RBFOX1: variants seen among roughly 807,000 people sequenced by gnomAD.
RBFOX1 encodes RNA binding protein fox-1 homolog 1.
Under a neutral mutation model 57.7 loss-of-function variants are expected in RBFOX1, and 8 were observed. That is an observed-to-expected ratio of 0.14 (90% CI 0.08 to 0.25). RBFOX1 has a LOEUF of 0.25. RBFOX1 is among the 10% of genes least tolerant of loss of function. RBFOX1 has a pLI of 1.00. For synonymous variants in RBFOX1, 326 were observed against 222.4 expected (o/e 1.47, Z -4.15); for missense variants, 611 against 548.5 (o/e 1.11, Z -1.14).
chr16:6,629,326 A>T (rs1465890788), intron 2 of RBFOX1, among the ~76,000 whole-genome samples: 1 of 152,228 alleles, frequency 6.6e-6, no homozygotes, highest in Non-Finnish European at 1.5e-5. Flanking sequence ...GTAACGTCCA[A>T]GATAAATGGA....
intron 1 of RBFOX1, among the ~76,000 whole-genome samples, chr16:6,161,262 G>A (rs1284673318): frequency 2.0e-5 from 3 of 152,092 alleles, no homozygotes; most frequent in African/African-American, 4.8e-5. Flanking sequence ...GGTGGTGCAC[G>A]CCTGTAATCC....
At chr16:7,404,319 C>T (rs1290895974) in intron 4 of RBFOX1, among the ~76,000 whole-genome samples, 1 of 152,136 alleles carries the variant, frequency 6.6e-6, no homozygotes, top group Non-Finnish European at 1.5e-5. Flanking sequence ...TCCCAAAGTG[C>T]TGGGATTCCA....
chr16:5,321,202 G>A (rs1282621548), intron 1 of RBFOX1, among the ~76,000 whole-genome samples: 1 of 152,198 alleles, frequency 6.6e-6, no homozygotes, highest in African/African-American at 2.4e-5. Context: ...CTAGATGCCA[G>A]TAATACCACC....
chr16:5,564,446 T>C (rs2045992672), intron 2 of RBFOX1, among the ~76,000 whole-genome samples: 1 of 152,218 alleles, frequency 6.6e-6, no homozygotes, highest in African/African-American at 2.4e-5. Flanking sequence ...TTGGATTATC[T>C]CTTTCTCTCC....
intron 3 of RBFOX1, among the ~76,000 whole-genome samples, chr16:6,872,168 A>C (rs773938256): frequency 2.6e-5 from 4 of 152,170 alleles, no homozygotes; most frequent in Admixed American, 6.5e-5. Context: ...TGAGAGCAGT[A>C]CTACGTCTGT....
At chr16:6,980,771 A>G (rs1048471911) in intron 3 of RBFOX1, among the ~76,000 whole-genome samples, 1 of 152,142 alleles carries the variant, frequency 6.6e-6, no homozygotes, top group African/African-American at 2.4e-5. Flanking sequence ...GAGCAGGTAC[A>G]GTAGCTCATG....
chr16:6,213,466 A>C (rs1452790172), intron 1 of RBFOX1, among the ~76,000 whole-genome samples: 1 of 152,174 alleles, frequency 6.6e-6, no homozygotes, highest in Non-Finnish European at 1.5e-5. Flanking sequence ...CCTCAGCTGC[A>C]TTTGAACTAC....
intron 3 of RBFOX1, among the ~76,000 whole-genome samples, chr16:6,913,048 G>T (rs1333076634): frequency 6.6e-6 from 1 of 152,054 alleles, no homozygotes; most frequent in Non-Finnish European, 1.5e-5. Context: ...CTGATGGGTG[G>T]AAAAGAACTT....
At chr16:7,596,109 T>C (rs1468708795) in intron 8 of RBFOX1, among the ~76,000 whole-genome samples, 1 of 114,702 alleles carries the variant, frequency 8.7e-6, no homozygotes, top group Non-Finnish European at 1.7e-5. Context: ...TTTTTGTTTG[T>C]TTGTTTGTTT....
intron 2 of RBFOX1, among the ~76,000 whole-genome samples, chr16:6,499,721 T>C (rs934550752): frequency 5.3e-5 from 8 of 152,164 alleles, no homozygotes; most frequent in African/African-American, 1.9e-4. Flanking sequence ...CCCTGATTTA[T>C]TGTGCAATCT....
chr16:6,582,730 C>T (rs571742313), intron 2 of RBFOX1, among the ~76,000 whole-genome samples: 306 of 151,304 alleles, frequency 2.0e-3, no homozygotes, highest in Middle Eastern at 6.8e-3. Flanking sequence ...CTCTCCTGAC[C>T]GCTCCTTCCT....
At chr16:7,218,663 T>C (rs7404898) in intron 4 of RBFOX1, among the ~76,000 whole-genome samples, 27 of 121,382 alleles carry the variant, frequency 2.2e-4, no homozygotes, top group East Asian at 7.4e-4. Context: ...TGTGTGTGTG[T>C]GTGTGTGTGT....
intron 1 of RBFOX1, among the ~76,000 whole-genome samples, chr16:6,139,603 C>T (rs923504990): frequency 6.6e-6 from 1 of 152,178 alleles, no homozygotes. Context: ...GAAAAGTTAT[C>T]CCCCAAATTG....
At chr16:6,437,887 A>C (rs1429581363) in intron 2 of RBFOX1, among the ~76,000 whole-genome samples, 1 of 152,144 alleles carries the variant, frequency 6.6e-6, no homozygotes, top group Non-Finnish European at 1.5e-5. Flanking sequence ...CTCCTCCAAC[A>C]TTAAGAGTTA....
chr16:6,212,271 T>G (rs1419747564), intron 1 of RBFOX1, among the ~76,000 whole-genome samples: 1 of 152,224 alleles, frequency 6.6e-6, no homozygotes, highest in Non-Finnish European at 1.5e-5. Flanking sequence ...ATACTATGAT[T>G]ACTTTTATGT....
chr16:7,256,713 G>A (rs547781552), intron 4 of RBFOX1, among the ~76,000 whole-genome samples: 30 of 152,284 alleles, frequency 2.0e-4, no homozygotes, highest in Non-Finnish European at 3.2e-4. Context: ...TCATTGAGAA[G>A]GACGCCCAGG....
At chr16:6,586,357 A>C (rs764982638) in intron 2 of RBFOX1, among the ~76,000 whole-genome samples, 1 of 152,246 alleles carries the variant, frequency 6.6e-6, no homozygotes, top group Non-Finnish European at 1.5e-5. Context: ...GAGCAAAACC[A>C]GCAGCATAAA....
At chr16:7,128,959 T>G (rs1460203520) in intron 4 of RBFOX1, among the ~76,000 whole-genome samples, 3 of 151,734 alleles carry the variant, frequency 2.0e-5, no homozygotes, top group African/African-American at 7.3e-5. Flanking sequence ...TAGCTGGGAC[T>G]ACAGGTGCAT....
At chr16:6,093,267 A>C (rs1428366754) in intron 1 of RBFOX1, among the ~76,000 whole-genome samples, 8 of 152,176 alleles carry the variant, frequency 5.3e-5, no homozygotes, top group African/African-American at 1.4e-4. Flanking sequence ...TCAATAAAGA[A>C]TAGAAGCAAT....
Sources: allele counts gnomAD v4.1 joint callset (sites outside exome capture counted in the v4.1 genomes callset), GRCh38; gene constraint gnomAD v4.1.1; transcripts MANE v1.5; gene names NCBI Gene and HGNC (gene_info 2026-07-23, HGNC 2026-07-21).